Variants in OLA1 observed in about 807,000 individuals in gnomAD.
The protein encoded by OLA1 is obg-like ATPase 1.
OLA1 carries 14 observed loss-of-function variants against 48.4 expected under a neutral mutation model. The ratio of observed to expected loss-of-function variants is 0.29; its 90% confidence interval spans 0.19 to 0.45. The LOEUF is 0.45. OLA1 is among the 20% of genes least tolerant of loss of function. The probability of loss-of-function intolerance (pLI) is 1.00; values close to 1 mark genes in which losing one functional copy is unlikely to be tolerated. For synonymous variants in OLA1, 127 were observed against 150.4 expected, an observed-to-expected ratio of 0.84 and a Z score of 1.14; for missense variants, 325 against 467.1, an observed-to-expected ratio of 0.70 and a Z score of 2.80.
intron 5 of OLA1, among the ~76,000 whole-genome samples, chr2:174,127,937 T>C (rs888168249): frequency 2.0e-5 from 3 of 151,914 alleles, no homozygotes; most frequent in African/African-American, 7.3e-5. Flanking sequence ...GAATATTATA[T>C]ATTAAATATA....
chr2:174,194,368 C>A (rs1337993250), intron 4 of OLA1, among the ~76,000 whole-genome samples: 1 of 152,182 alleles, frequency 6.6e-6, no homozygotes, highest in Non-Finnish European at 1.5e-5. Flanking sequence ...TAGCTGAACT[C>A]TTCTCACTGG....
At chr2:174,240,552 C>T (rs947592575) in intron 2 of OLA1, 2 of 151,476 alleles carry the variant, frequency 1.3e-5, no homozygotes, top group African/African-American at 2.4e-5. Flanking sequence ...GAACTCATAT[C>T]CAGAATAAAA....
chr2:174,093,503 CCAAT>C (rs748909825), intron 7 of OLA1, among the ~76,000 whole-genome samples: 6 of 151,240 alleles, frequency 4.0e-5, no homozygotes, highest in African/African-American at 7.3e-5. Context: ...AACCAACCAA[CCAAT>C]CAAACACCGC....
At chr2:174,130,495 T>G (rs1233586823) in intron 5 of OLA1, among the ~76,000 whole-genome samples, 2 of 152,166 alleles carry the variant, frequency 1.3e-5, no homozygotes, top group South Asian at 4.1e-4. Context: ...CAGAATATAA[T>G]GTTCCTGGCC....
intron 7 of OLA1, among the ~76,000 whole-genome samples, chr2:174,089,354 G>A (rs1367613529): frequency 1.3e-5 from 2 of 152,148 alleles, no homozygotes; most frequent in Non-Finnish European, 2.9e-5. Context: ...TGAACTGAAA[G>A]TACAAAAATG....
chr2:174,145,138 T>C (rs1375095117), intron 4 of OLA1, among the ~76,000 whole-genome samples: 2 of 151,230 alleles, frequency 1.3e-5, no homozygotes, highest in Non-Finnish European at 2.9e-5. Context: ...AGATAATATA[T>C]GTCAAGTGTT....
chr2:174,185,747 G>A (rs1438802872), intron 4 of OLA1, among the ~76,000 whole-genome samples: 1 of 152,074 alleles, frequency 6.6e-6, no homozygotes, highest in African/African-American at 2.4e-5. Context: ...GGCCAACATG[G>A]CAAAACCTCG....
chr2:174,147,304 T>C (rs1686628949), intron 4 of OLA1, among the ~76,000 whole-genome samples: 1 of 152,004 alleles, frequency 6.6e-6, no homozygotes, highest in Non-Finnish European at 1.5e-5. Context: ...TGCATGCCTG[T>C]AATGCCCAGC....
At chr2:174,233,049 T>C (rs1688767890) in intron 2 of OLA1, among the ~76,000 whole-genome samples, 1 of 152,208 alleles carries the variant, frequency 6.6e-6, no homozygotes. Context: ...TGTCACATGC[T>C]ACAACATGAA....
chr2:174,243,840 G>A (rs1288051688), intron 2 of OLA1, among the ~76,000 whole-genome samples: 1 of 152,174 alleles, frequency 6.6e-6, no homozygotes, highest in African/African-American at 2.4e-5. Flanking sequence ...TATTCACCCA[G>A]CTAAAAACCA....
At chr2:174,150,528 G>A (rs998322140) in intron 4 of OLA1, among the ~76,000 whole-genome samples, 4 of 152,198 alleles carry the variant, frequency 2.6e-5, no homozygotes, top group African/African-American at 9.7e-5. Flanking sequence ...GGGAATAAGA[G>A]GGTATGTAAT....
At chr2:174,122,836 C>G (rs1397179132) in intron 7 of OLA1, among the ~76,000 whole-genome samples, 1 of 151,202 alleles carries the variant, frequency 6.6e-6, no homozygotes, top group Non-Finnish European at 1.5e-5. Flanking sequence ...AATATCAACA[C>G]AGCTAGAAAT....
chr2:174,234,311 C>T (rs1688799351), intron 2 of OLA1, among the ~76,000 whole-genome samples: 2 of 152,054 alleles, frequency 1.3e-5, no homozygotes, highest in East Asian at 1.9e-4. Flanking sequence ...GCTTAATCAA[C>T]TGTTTATGTT....
intron 4 of OLA1, among the ~76,000 whole-genome samples, chr2:174,145,137 A>G (rs1686563961): frequency 6.6e-6 from 1 of 151,280 alleles, no homozygotes; most frequent in South Asian, 2.1e-4. Context: ...CAGATAATAT[A>G]TGTCAAGTGT....
At chr2:174,181,362 G>C (rs1304020921) in intron 4 of OLA1, among the ~76,000 whole-genome samples, 4 of 152,180 alleles carry the variant, frequency 2.6e-5, no homozygotes, top group Non-Finnish European at 5.9e-5. Context: ...GCTGGGGAGA[G>C]GAGGGAATGA....
rs59630844 is a variant in OLA1 at position 174,172,613 on chromosome 2, G to A, written c.374-30613C>T. On this transcript the variant is annotated intron_variant, in intron 4 of 10. Coordinates refer to ENST00000284719, the MANE Select transcript of OLA1 (RefSeq NM_013341.5). ...ATTCTGCAGGGACCCTCTGCCAAAG[G>A]TAGTCTAGAGAGGACAGAAATGAAG... The A allele has an allele frequency of 2.3e-3, 360 of 158,530 alleles. 1 individual carries two copies. Among genetic ancestry groups the A allele is most frequent in the African/African-American group, 8.1e-3 (341 of 41,914 alleles). 9.8% of individuals were successfully genotyped at this position (158,530 alleles called of 1,614,324 possible).
intron 7 of OLA1, among the ~76,000 whole-genome samples, chr2:174,117,354 C>G (rs1558961714): frequency 1.3e-5 from 2 of 152,080 alleles, no homozygotes; most frequent in South Asian, 4.1e-4. Context: ...TGGCCAAGTT[C>G]AAAGAGCTAC....
intron 7 of OLA1, among the ~76,000 whole-genome samples, chr2:174,122,290 A>G (rs1197953817): frequency 6.6e-6 from 1 of 152,188 alleles, no homozygotes; most frequent in Non-Finnish European, 1.5e-5. Context: ...TCTGACATTA[A>G]TTATTGTTTT....
intron 4 of OLA1, among the ~76,000 whole-genome samples, chr2:174,144,845 A>G (rs1427415745): frequency 6.9e-6 from 1 of 145,826 alleles, no homozygotes; most frequent in Non-Finnish European, 1.5e-5. Context: ...CTACTTGGAG[A>G]TCTGAGGTGG....
Sources: allele counts gnomAD v4.1 joint callset (sites outside exome capture counted in the v4.1 genomes callset), GRCh38; gene constraint gnomAD v4.1.1; transcripts MANE v1.5; gene names NCBI Gene and HGNC (gene_info 2026-07-23, HGNC 2026-07-21).